ARHGAP19: variants seen among roughly 807,000 people sequenced by gnomAD.
ARHGAP19 encodes the protein rho GTPase-activating protein 19.
Under a neutral mutation model 60.9 loss-of-function variants are expected in ARHGAP19, and 48 were observed. The ratio of observed to expected loss-of-function variants is 0.79; its 90% CI spans 0.62 to 1.00. The LOEUF (loss-of-function observed/expected upper bound fraction) is 1.00, where lower values mean the gene tolerates loss of function less well. ARHGAP19 is among the 50% of genes least tolerant of loss of function. ARHGAP19 has a pLI of 0.00. For synonymous variants in ARHGAP19, 209 were observed against 215.5 expected (o/e 0.97, Z 0.27); for missense variants, 562 against 597.2 (o/e 0.94, Z 0.61).
rs1273435315 is a variant in ARHGAP19 at position 97,231,993 on chromosome 10, TTTTTTA to T, written c.1285-2125_1285-2120del. On this transcript the variant is annotated intron_variant, in intron 9 of 11. Transcript: ENST00000358531. Reference sequence around the variant, plus strand: ...TATTTTCCGTTGTTTTTTTTTTTTTTTTTTTAATAATAGTCATCCTAGTGGGTGTGA... The same window carrying T: ...TATTTTCCGTTGTTTTTTTTTTTTTTATAATAGTCATCCTAGTGGGTGTGA... Among the ~76,000 whole-genome samples, 407 of 151,026 alleles carry T rather than the reference TTTTTTA, an allele frequency of 2.7e-3. 1 individual carries two copies. The highest frequency in any genetic ancestry group is 8.7e-3 in the African/African-American group (358 of 41,092).
intron 6 of ARHGAP19, 76 bp from the exon 7 acceptor site, chr10:97,246,413 G>A (rs1842564901): frequency 3.4e-6 from 4 of 1,178,886 alleles, no homozygotes; most frequent in Non-Finnish European, 3.7e-6. Context: ...CAAGGACAGT[G>A]GTTCTCAAAA....
chr10:97,257,811 CT>C (rs11352764), intron 5 of ARHGAP19, among the ~76,000 whole-genome samples: 75,224 of 151,866 alleles, frequency 0.5, 20,821 homozygotes, highest in East Asian at 0.72. Flanking sequence ...CACAATCTCT[CT>C]CCTTTACCTT....
Position 97,235,301 on chromosome 10 carries a change from T to C in ARHGAP19, c.1200A>G (p.Ser400=), listed in dbSNP as rs1156353669. 2 of 1,612,604 alleles carry C rather than the reference T, an allele frequency of 1.2e-6. No homozygotes were observed. The highest frequency in any genetic ancestry group is 1.1e-5 in the South Asian group (1 of 91,004). ...GTTCTCGCCCTGGTGTCTGGGTCAA[T>C]GATTGCTTATTAAACTAAAAGAAAA... ...KQLIRQFNKQ[S]LTQTPGREPS... Residue 400 remains serine (S), a synonymous_variant, in exon 9 of 12, where the codon TCA becomes TCG. Transcript: ENST00000358531.
chr10:97,269,944 A>G (rs1230957772), intron 1 of ARHGAP19, among the ~76,000 whole-genome samples: 1 of 152,216 alleles, frequency 6.6e-6, no homozygotes, highest in Non-Finnish European at 1.5e-5. Flanking sequence ...AATACTGTAC[A>G]TAAGTGAGAA....
intron 6 of ARHGAP19, among the ~76,000 whole-genome samples, chr10:97,255,134 G>A (rs1328781679): frequency 6.6e-6 from 1 of 152,216 alleles, no homozygotes; most frequent in East Asian, 1.9e-4. Context: ...TTCTGGAAAT[G>A]GATGGCGATG....
In ARHGAP19 at chr10:97,259,595, G is replaced by A. The variant is rs1348553719; in HGVS notation, c.647C>T (p.Thr216Ile). ...TTGCCGGTCCTTGTCTGGTATATTG[G>A]TCTTGTTTCCTTTATCATCAAACTG... Reference protein sequence around the residue: ...LMQFDDKGNKTNIPDKDRQIE... With the variant: ...LMQFDDKGNKINIPDKDRQIE... Residue 216 changes from threonine to isoleucine, a missense_variant, in exon 5 of 12, where the codon ACC becomes ATC. By Grantham distance (89) the Thr-to-Ile change is moderately conservative (BLOSUM62 -1). Coordinates refer to ENST00000358531, the MANE Select transcript of ARHGAP19 (RefSeq NM_032900.6). 6.2e-7 allele frequency: 1 copy of A among 1,613,990 alleles called. No individual in the cohort carries two copies. Among genetic ancestry groups the A allele is most frequent in the Non-Finnish European group, 8.5e-7 (1 of 1,179,986 alleles).
In ARHGAP19 at chr10:97,266,113, G is replaced by A. The variant is rs759116750; in HGVS notation, c.69C>T (p.Cys23=). 6.8e-6 allele frequency: 11 copies of A among 1,613,692 alleles called. No homozygotes were observed. Among genetic ancestry groups the A allele is most frequent in the Non-Finnish European group, 8.5e-6 (10 of 1,179,868 alleles). Residue 23 remains cysteine (C), a synonymous_variant, in exon 2 of 12, where the codon TGC becomes TGT. Transcript: ENST00000358531. The stretch of plus-strand genomic sequence containing the variant: ...AAGAATCATTGCAGATCACAAAACT[G>A]CAGATGGCATCACTGAAAAACACAG... ...ARESGRSDAI[C]SFVICNDSSL... is the part of the protein sequence containing the mutation.
At chr10:97,233,562 T>C (rs1322796485) in intron 9 of ARHGAP19, among the ~76,000 whole-genome samples, 1 of 152,140 alleles carries the variant, frequency 6.6e-6, no homozygotes, top group African/African-American at 2.4e-5. Context: ...AAACACCACA[T>C]GTTCTCACTT....
chr10:97,232,821 A>T (rs1464745430), intron 9 of ARHGAP19, among the ~76,000 whole-genome samples: 2 of 152,086 alleles, frequency 1.3e-5, no homozygotes, highest in Non-Finnish European at 2.9e-5. Context: ...AGGGGGCCAA[A>T]GCAGGAGGAT....
At chr10:97,258,818 G>A (rs1842789666) in intron 5 of ARHGAP19, 1 of 150,660 alleles carries the variant, frequency 6.6e-6, no homozygotes, top group African/African-American at 2.4e-5. Flanking sequence ...TTATCCCTCA[G>A]GCATTTAAAA....
intron 1 of ARHGAP19, 46 bp from the exon 2 acceptor site, chr10:97,266,171 T>C (rs368830246): frequency 6.2e-7 from 1 of 1,603,530 alleles, no homozygotes; most frequent in African/African-American, 1.3e-5. Flanking sequence ...TTTTTGTATG[T>C]TTCTTATGCA....
intron 10 of ARHGAP19, 68 bp from the exon 11 acceptor site, chr10:97,229,293 CA>C: frequency 8.0e-7 from 1 of 1,254,688 alleles, no homozygotes; most frequent in Admixed American, 1.7e-5. Context: ...ACTTTACTAA[CA>C]AATGAATTAT....
At chr10:97,285,979 A>C (rs1027404849) in intron 1 of ARHGAP19, among the ~76,000 whole-genome samples, 2 of 152,202 alleles carry the variant, frequency 1.3e-5, no homozygotes, top group African/African-American at 4.8e-5. Flanking sequence ...TATGCAGATT[A>C]ATTTTAAAAT....
intron 6 of ARHGAP19, among the ~76,000 whole-genome samples, chr10:97,246,847 A>AC (rs931776455): frequency 1.4e-4 from 21 of 152,030 alleles, no homozygotes; most frequent in African/African-American, 4.6e-4. Flanking sequence ...ACAAAAAATT[A>AC]CTAAAAAATG....
At position 97,292,552 on chromosome 10, in the gene ARHGAP19, C is replaced by T. The variant is rs762894387; in HGVS notation, c.56+20G>A. The stretch of plus-strand genomic sequence containing the variant: ...GCCCAAGGCCGCGTTTCCCAGGAAA[C>T]TGGACCAAACTCAGCTCACCTCCGG... On this transcript the variant is annotated intron_variant, in intron 1 of 11. Transcript: ENST00000358531. 1 of 1,614,210 alleles carries T rather than the reference C, an allele frequency of 6.2e-7. No individual in the cohort carries two copies. The highest frequency in any genetic ancestry group is 2.2e-5 in the East Asian group (1 of 44,880).
At chr10:97,290,645 TTTGGTGA>T (rs1312668372) in intron 1 of ARHGAP19, among the ~76,000 whole-genome samples, 2 of 152,086 alleles carry the variant, frequency 1.3e-5, no homozygotes, top group Non-Finnish European at 1.5e-5. Context: ...CCGGTAACAT[TTTGGTGA>T]CCACGAAGGG....
intron 8 of ARHGAP19, among the ~76,000 whole-genome samples, chr10:97,235,664 T>C (rs556899599): frequency 6.6e-6 from 1 of 152,346 alleles, no homozygotes; most frequent in South Asian, 2.1e-4. Context: ...ACACAGTTAC[T>C]GGCACAATCT....
At chr10:97,287,866 C>G (rs1843175758) in intron 1 of ARHGAP19, among the ~76,000 whole-genome samples, 1 of 151,994 alleles carries the variant, frequency 6.6e-6, no homozygotes, top group East Asian at 1.9e-4. Flanking sequence ...AGTTCAAGAC[C>G]AGCCTGACCA....
At chr10:97,238,919 A>G (rs1842424979) in intron 8 of ARHGAP19, among the ~76,000 whole-genome samples, 1 of 152,056 alleles carries the variant, frequency 6.6e-6, no homozygotes, top group African/African-American at 2.4e-5. Context: ...CAGGTGTACT[A>G]TTTTTTATCT....
Sources: allele counts gnomAD v4.1 joint callset (sites outside exome capture counted in the v4.1 genomes callset), GRCh38; gene constraint gnomAD v4.1.1; transcripts MANE v1.5; gene names NCBI Gene and HGNC (gene_info 2026-07-23, HGNC 2026-07-21).